Variants in FGF18 observed in about 807,000 individuals in gnomAD.
The protein encoded by FGF18 is fibroblast growth factor 18.
A neutral mutation model predicts 23.0 loss-of-function variants in FGF18; 5 were observed. The observed-to-expected ratio is 0.22, with a 90% CI of 0.11 to 0.46. The LOEUF (loss-of-function observed/expected upper bound fraction) is 0.46, where lower values mean the gene tolerates loss of function less well. Ranked by LOEUF, FGF18 falls within the 20% of genes least tolerant of loss-of-function variation. The probability of loss-of-function intolerance (pLI) is 0.99; values close to 1 mark genes in which losing one functional copy is unlikely to be tolerated. For synonymous variants in FGF18, 117 were observed against 118.9 expected, an observed-to-expected ratio of 0.98 and a Z score of 0.10; for missense variants, 180 against 291.6, an observed-to-expected ratio of 0.62 and a Z score of 2.79.
At chr5:171,420,488 G>C (rs769028756) in intron 2 of FGF18, 45 bp downstream of exon 2, 7 of 1,587,116 alleles carry the variant, frequency 4.4e-6, no homozygotes, top group Admixed American at 1.7e-5. Context: ...CCTGCCTCGC[G>C]GTACACGCCG....
In FGF18 at chr5:171,436,361, G is replaced by A. The variant is rs1055591651; in HGVS notation, c.250+88G>A. On this transcript the variant is annotated intron_variant, in intron 3 of 4. Transcript: ENST00000274625. The surrounding 1 kb of genome is among the most constrained non-coding windows in gnomAD (Gnocchi z 4.4). ...GACCTCAAGTTCAAATGCCAGCCTT[G>A]CTGCTCCTGGCTGTGTGATCTTGGA... is the stretch of plus-strand genomic sequence containing the variant. The A allele has an allele frequency of 8.3e-6, 9 of 1,089,086 alleles. No homozygotes were observed. The highest frequency in any genetic ancestry group is 1.1e-5 in the Non-Finnish European group (9 of 806,834). The allele number at this position is 1,089,086 out of a possible 1,614,324, so 67.5% of individuals were successfully genotyped here.
At chr5:171,427,756 G>C (rs1772117767) in intron 2 of FGF18, among the ~76,000 whole-genome samples, 1 of 152,210 alleles carries the variant, frequency 6.6e-6, no homozygotes, top group Non-Finnish European at 1.5e-5. Context: ...CCTTCCAAGT[G>C]TTCCCCATGA....
rs1772576687 is a variant in FGF18 at position 171,456,156 on chromosome 5, G to C, written c.358-383G>C. Among the ~76,000 whole-genome samples the C allele has an allele frequency of 1.3e-5, 2 of 152,206 alleles. No individual in the cohort carries two copies. Among genetic ancestry groups the C allele is most frequent in the South Asian group, 4.2e-4 (2 of 4,816 alleles). ...CACTTCTTTGTAAAATCCAGTTTTA[G>C]CAAGAGCCCTGCTAAGTCAGTTTAG... On this transcript the variant is annotated intron_variant, in intron 4 of 4. Transcript: ENST00000274625. The surrounding 1 kb of genome is among the most constrained non-coding windows in gnomAD (Gnocchi z 6.1).
rs550484459 is a variant in FGF18, at chr5:171,456,832, G to A, written c.*27G>A. On this transcript the variant is annotated 3_prime_UTR_variant, in exon 5 of 5. Coordinates refer to ENST00000274625, the MANE Select transcript of FGF18 (RefSeq NM_003862.3). This position sits in a 1 kb window ranked among gnomAD's most constrained non-coding sequence, Gnocchi z 6.1. ...CCACCCCGCCGCGGCCCCTCAGGTC[G>A]CCCTGGCCACACTCACACTCCCAGA... 8.9e-5 allele frequency: 141 copies of A among 1,583,962 alleles called. No individual in the cohort carries two copies. In the East Asian group the frequency reaches 1.4e-3, roughly 16 times the overall value.
chr5:171,420,474 C>G (rs757566309), intron 2 of FGF18, 31 bp downstream of exon 2: 3 of 1,608,364 alleles, frequency 1.9e-6, no homozygotes, highest in East Asian at 2.2e-5. Flanking sequence ...GACCTCCTCC[C>G]GCCCCTGCCT....
intron 3 of FGF18, among the ~76,000 whole-genome samples, chr5:171,443,264 G>A (rs1772371265): frequency 6.6e-6 from 1 of 151,902 alleles, no homozygotes; most frequent in Non-Finnish European, 1.5e-5. Flanking sequence ...CAAGTAGCTG[G>A]GATTACAGGC....
At chr5:171,425,529 C>CTTTTT (rs77671680) in intron 2 of FGF18, among the ~76,000 whole-genome samples, 6 of 106,204 alleles carry the variant, frequency 5.6e-5, no homozygotes, top group Admixed American at 1.1e-4. Flanking sequence ...CCGCCATGTG[C>CTTTTT]TTTTTTTTTT....
chr5:171,435,946 T>C, intron 2 of FGF18, 147 bp from the exon 3 acceptor site: 1 of 555,920 alleles, frequency 1.8e-6, no homozygotes, highest in East Asian at 3.5e-5. Flanking sequence ...ATGGGGGTAG[T>C]GAGGGGGTGG....
intron 3 of FGF18, among the ~76,000 whole-genome samples, chr5:171,442,216 T>C (rs925898005): frequency 6.6e-6 from 1 of 152,160 alleles, no homozygotes; most frequent in Non-Finnish European, 1.5e-5. Context: ...TGTGTCCATA[T>C]GGAGAAAGGT....
chr5:171,447,780 G>T (rs1330078820), intron 3 of FGF18, among the ~76,000 whole-genome samples: 1 of 152,130 alleles, frequency 6.6e-6, no homozygotes, highest in Non-Finnish European at 1.5e-5. Flanking sequence ...GTGGCTCCAA[G>T]GATACTGTAC....
At chr5:171,443,407 G>A (rs1366085293) in intron 3 of FGF18, among the ~76,000 whole-genome samples, 7 of 149,438 alleles carry the variant, frequency 4.7e-5, no homozygotes, top group South Asian at 2.1e-4. Context: ...CTGGGGTTAC[G>A]GGCATGAGTG....
At chr5:171,432,712 A>G (rs60115097) in intron 2 of FGF18, among the ~76,000 whole-genome samples, 3,407 of 152,296 alleles carry the variant, frequency 0.022, 124 homozygotes, top group African/African-American at 0.077. Flanking sequence ...CACTGCGACC[A>G]GCCTAGGGGT....
At position 171,434,809 on chromosome 5, in the gene FGF18, C is replaced by CTT. The variant is rs35377470; in HGVS notation, c.70-1269_70-1268dup. ...GAGACACTGCTCCAGCTTTCTCTCC[C>CTT]TTTTTTTTTTTTTTTTGATGGTGCT... On this transcript the variant is annotated intron_variant, in intron 2 of 4. Transcript: ENST00000274625. The surrounding 1 kb of genome is among the most constrained non-coding windows in gnomAD (Gnocchi z 4.6). Among the ~76,000 whole-genome samples the CTT allele has an allele frequency of 5.7e-3, 805 of 141,760 alleles. 6 individuals carry two copies. Among genetic ancestry groups the CTT allele is most frequent in the African/African-American group, 0.018 (707 of 38,474 alleles). 93.0% of individuals were successfully genotyped at this position (141,760 alleles called of 152,430 possible). A position where few individuals can be genotyped will look rare whatever the true frequency, so the allele number is the denominator to read the frequency against.
rs1772503787 is a variant in FGF18 at position 171,451,268 on chromosome 5, AC to A, written c.357+2019del. ...GCTCCCGCCCAGGCCTCCACGCCCG[AC>A]CCCAACCCTTGCCAGCCTCCTGTCT... On this transcript the variant is annotated intron_variant, in intron 4 of 4. Transcript: ENST00000274625. The surrounding 1 kb of genome is among the most constrained non-coding windows in gnomAD (Gnocchi z 4.5). 6.6e-6 allele frequency among the ~76,000 whole-genome samples: 1 copy of A among 150,616 alleles called. No homozygotes were observed. The highest frequency in any genetic ancestry group is 2.4e-5 in the African/African-American group (1 of 41,008).
Position 171,436,061 on chromosome 5 carries a change from G to T in FGF18, c.70-32G>T. The T allele has an allele frequency of 6.8e-7, 1 of 1,466,888 alleles. No individual in the cohort carries two copies. The highest frequency in any genetic ancestry group is 1.9e-4 in the Middle Eastern group (1 of 5,222). The allele number at this position is 1,466,888 out of a possible 1,614,324, so 90.9% of individuals were successfully genotyped here. ...GCATGCAGTGGGCCTGGGACATCTG[G>T]GGTGGCTTACTGTGTCCTTTTCCCT... is the stretch of plus-strand genomic sequence containing the variant. On this transcript the variant is annotated intron_variant, in intron 2 of 4. Transcript: ENST00000274625. The surrounding 1 kb of genome is among the most constrained non-coding windows in gnomAD (Gnocchi z 4.4).
chr5:171,442,793 C>T (rs10069857), intron 3 of FGF18, among the ~76,000 whole-genome samples: 24,597 of 152,138 alleles, frequency 0.16, 2,258 homozygotes, highest in South Asian at 0.31. Flanking sequence ...AGCGAGGCCC[C>T]GGATCACCCT....
chr5:171,434,178 G>A lies in FGF18; in HGVS notation c.70-1915G>A, dbSNP rs1339945388. Among the ~76,000 whole-genome samples, 1 of 152,218 alleles carries A rather than the reference G, an allele frequency of 6.6e-6. No individual in the cohort carries two copies. The highest frequency in any genetic ancestry group is 2.4e-5 in the African/African-American group (1 of 41,442). On this transcript the variant is annotated intron_variant, in intron 2 of 4. Coordinates refer to ENST00000274625, the MANE Select transcript of FGF18 (RefSeq NM_003862.3). The surrounding 1 kb of genome is among the most constrained non-coding windows in gnomAD (Gnocchi z 4.6). ...GCAGGGGTGGGGCACAGGAAACACA[G>A]TCTTTAGGGTCACAAGGCCTGGGGT...
intron 4 of FGF18, 34 bp downstream of exon 4, chr5:171,449,287 G>C (rs1233191112): frequency 7.3e-6 from 11 of 1,511,604 alleles, no homozygotes; most frequent in Non-Finnish European, 1.0e-5. Context: ...GGGAACTTCG[G>C]GTTCCCCTCT....
intron 2 of FGF18, among the ~76,000 whole-genome samples, chr5:171,421,558 A>G (rs1043699414): frequency 1.6e-4 from 24 of 146,020 alleles, no homozygotes; most frequent in African/African-American, 6.4e-4. Context: ...GAGCACAGGA[A>G]ATTGGTGGTT....
Sources: gnomAD v4.1 joint callset for allele counts (sites outside exome capture counted in the v4.1 genomes callset) on GRCh38, gnomAD v4.1.1 for gene constraint, Gnocchi (gnomAD v3.1) non-coding constraint, MANE v1.5 for transcripts, NCBI Gene and HGNC (gene_info 2026-07-23, HGNC 2026-07-21) for gene names.